BRINP2: variants seen among roughly 807,000 people sequenced by gnomAD.
BRINP2 encodes BMP/retinoic acid-inducible neural-specific protein 2.
A neutral mutation model predicts 69.2 loss-of-function variants in BRINP2; 21 were observed. The observed-to-expected ratio is 0.30, with a 90% CI of 0.22 to 0.44. BRINP2 has a LOEUF of 0.44. Among genes scored for constraint, BRINP2 ranks in the 20% least tolerant of loss-of-function variants. The pLI is 1.00. For synonymous variants in BRINP2, 380 were observed against 394.1 expected (o/e 0.96, Z 0.42); for missense variants, 877 against 986.0 (o/e 0.89, Z 1.48).
intron 4 of BRINP2, among the ~76,000 whole-genome samples, chr1:177,261,172 G>A (rs1184937839): frequency 2.0e-5 from 3 of 151,936 alleles, no homozygotes; most frequent in Admixed American, 2.0e-4. Context: ...CAGTGAGGCT[G>A]GCATGCAGGC....
At chr1:177,246,981 G>A (rs1332155220) in intron 2 of BRINP2, among the ~76,000 whole-genome samples, 1 of 152,230 alleles carries the variant, frequency 6.6e-6, no homozygotes, top group Non-Finnish European at 1.5e-5. Flanking sequence ...CAGCTTGATA[G>A]AGAATGTGAA....
intron 1 of BRINP2, among the ~76,000 whole-genome samples, chr1:177,226,932 G>T (rs6683060): frequency 0.61 from 93,128 of 152,022 alleles, 28,657 homozygotes; most frequent in South Asian, 0.64. Flanking sequence ...ACGCTTCACT[G>T]TCTTCTAAAG....
intron 6 of BRINP2, 28 bp downstream of exon 6, chr1:177,276,462 A>G: frequency 6.3e-7 from 1 of 1,597,802 alleles, no homozygotes. Flanking sequence ...CTCCCTGTCA[A>G]TGAGAGGTGG....
intron 1 of BRINP2, among the ~76,000 whole-genome samples, chr1:177,179,624 T>C (rs1257212359): frequency 6.8e-6 from 1 of 146,476 alleles, no homozygotes; most frequent in Non-Finnish European, 1.5e-5. Flanking sequence ...CACACACCTG[T>C]TTTGCTGAAC....
chr1:177,280,496 C>A lies in BRINP2; in HGVS notation c.1320C>A (p.Ser440Arg), dbSNP rs770962414. Residue 440 changes from serine to arginine, a missense_variant, in exon 8 of 8, where the codon AGC (serine) becomes AGA (arginine). Ser to Arg is a moderately radical substitution (Grantham distance 110). This residue lies in a region of BRINP2 where 566 missense variants were observed against 625.2 expected (regional missense o/e 0.91). Transcript: ENST00000361539. Reference protein sequence around the residue: ...STFPGTFLEQSHSCTCPYDQS... With the variant: ...STFPGTFLEQRHSCTCPYDQS... ...TTCCTGGCACTTTCCTGGAACAGAG[C>A]CACAGCTGCACCTGCCCCTATGACC... 6.2e-7 allele frequency: 1 copy of A among 1,614,242 alleles called. No homozygotes were observed. The highest frequency in any genetic ancestry group is 8.5e-7 in the Non-Finnish European group (1 of 1,180,040).
At chr1:177,246,538 GAAT>G (rs1179843441) in intron 2 of BRINP2, among the ~76,000 whole-genome samples, 1 of 152,244 alleles carries the variant, frequency 6.6e-6, no homozygotes, top group Non-Finnish European at 1.5e-5. Flanking sequence ...ACTGTTCGGA[GAAT>G]AATAGCCTAG....
At chr1:177,198,044 C>G (rs368706360) in intron 1 of BRINP2, among the ~76,000 whole-genome samples, 1 of 151,992 alleles carries the variant, frequency 6.6e-6, no homozygotes, top group African/African-American at 2.4e-5. Context: ...GGGGGGAGTG[C>G]GACAGTGGTA....
chr1:177,198,827 A>G (rs1452577514), intron 1 of BRINP2, among the ~76,000 whole-genome samples: 1 of 152,212 alleles, frequency 6.6e-6, no homozygotes, highest in African/African-American at 2.4e-5. Flanking sequence ...AGCTCTGCAA[A>G]CACCTTTTGA....
intron 2 of BRINP2, among the ~76,000 whole-genome samples, chr1:177,253,603 A>T (rs1303972612): frequency 1.3e-5 from 2 of 152,076 alleles, no homozygotes; most frequent in Non-Finnish European, 2.9e-5. Flanking sequence ...ATCCAAAAAA[A>T]CTTGCCCACA....
chr1:177,178,693 C>T (rs912197230), intron 1 of BRINP2, among the ~76,000 whole-genome samples: 6 of 152,042 alleles, frequency 3.9e-5, no homozygotes, highest in Non-Finnish European at 7.4e-5. Context: ...TCTCCTGCAC[C>T]AAGCAGCAGG....
At chr1:177,221,259 A>C (rs1649523869) in intron 1 of BRINP2, among the ~76,000 whole-genome samples, 1 of 152,226 alleles carries the variant, frequency 6.6e-6, no homozygotes, top group Non-Finnish European at 1.5e-5. Flanking sequence ...TAACGCATGG[A>C]AAGTGTTTAG....
At chr1:177,195,930 C>T (rs1255642569) in intron 1 of BRINP2, among the ~76,000 whole-genome samples, 4 of 152,172 alleles carry the variant, frequency 2.6e-5, no homozygotes, top group African/African-American at 9.7e-5. Context: ...GTGTACTCCC[C>T]TCTCTGGGCT....
chr1:177,189,673 G>T (rs1178725000), intron 1 of BRINP2, among the ~76,000 whole-genome samples: 3 of 152,098 alleles, frequency 2.0e-5, no homozygotes, highest in Admixed American at 2.0e-4. Flanking sequence ...TAGAAACTAG[G>T]TAACATTGAT....
intron 1 of BRINP2, among the ~76,000 whole-genome samples, chr1:177,216,178 T>C (rs544671327): frequency 2.3e-4 from 35 of 152,188 alleles, no homozygotes; most frequent in African/African-American, 7.9e-4. Flanking sequence ...GGTTGTTTTG[T>C]GGATATTTTC....
chr1:177,180,965 GC>G (rs1648228488), intron 1 of BRINP2, among the ~76,000 whole-genome samples: 1 of 152,142 alleles, frequency 6.6e-6, no homozygotes, highest in Non-Finnish European at 1.5e-5. Flanking sequence ...CTATGAATGA[GC>G]GCCTGCTGTG....
At chr1:177,222,283 G>A (rs1169907105) in intron 1 of BRINP2, among the ~76,000 whole-genome samples, 1 of 152,130 alleles carries the variant, frequency 6.6e-6, no homozygotes, top group East Asian at 1.9e-4. Flanking sequence ...TGAACACACA[G>A]CACTCACCAT....
intron 1 of BRINP2, among the ~76,000 whole-genome samples, chr1:177,205,122 T>C (rs1188175234): frequency 6.6e-6 from 1 of 152,142 alleles, no homozygotes; most frequent in East Asian, 1.9e-4. Flanking sequence ...CAAATAGCAC[T>C]TCTTTCTTCA....
chr1:177,190,236 C>T (rs1188459014), intron 1 of BRINP2, among the ~76,000 whole-genome samples: 2 of 152,148 alleles, frequency 1.3e-5, no homozygotes, highest in Non-Finnish European at 2.9e-5. Context: ...TGCAAAAACT[C>T]TATGGAGAGG....
intron 1 of BRINP2, among the ~76,000 whole-genome samples, chr1:177,179,616 C>T (rs907274774): frequency 1.3e-5 from 2 of 152,188 alleles, no homozygotes; most frequent in Non-Finnish European, 2.9e-5. Flanking sequence ...CTCACACACA[C>T]ACACCTGTTT....
Sources: gnomAD v4.1 joint callset for allele counts (sites outside exome capture counted in the v4.1 genomes callset) on GRCh38, gnomAD v4.1.1 for gene constraint, gnomAD v4.1.1 regional missense constraint, MANE v1.5 for transcripts, NCBI Gene and HGNC (gene_info 2026-07-23, HGNC 2026-07-21) for gene names.